BLTP1: variants seen among roughly 807,000 people sequenced by gnomAD.
The protein encoded by BLTP1 is bridge-like lipid transfer protein family member 1.
At chr4:122,217,765 G>A in the BLTP1 span, among the ~76,000 whole-genome samples, 1 of 151,988 alleles carries the variant, frequency 6.6e-6, no homozygotes, top group South Asian at 2.1e-4. Context: ...TTTATCTTTT[G>A]GAATAGTTTC....
chr4:122,272,504 CA>C, the BLTP1 span: 5 of 1,084,114 alleles, frequency 4.6e-6, no homozygotes, highest in African/African-American at 3.2e-5. Flanking sequence ...TCCTAATTGG[CA>C]AATTTTTTTT....
chr4:122,165,939 A>G, the BLTP1 span, among the ~76,000 whole-genome samples: 9 of 150,854 alleles, frequency 6.0e-5, no homozygotes, highest in African/African-American at 2.2e-4. Flanking sequence ...TTTCTTGTAA[A>G]TTTGTTTGAG....
At chr4:122,266,660 C>A in the BLTP1 span, 2 of 845,884 alleles carry the variant, frequency 2.4e-6, no homozygotes, top group Non-Finnish European at 3.4e-6. Flanking sequence ...TTGCTTCACA[C>A]TATGATAATA....
chr4:122,258,974 T>C, the BLTP1 span: 1 of 581,232 alleles, frequency 1.7e-6, no homozygotes, highest in Non-Finnish European at 3.0e-6. Flanking sequence ...ATTAACTTGA[T>C]TTGTAATTTC....
chr4:122,178,311 G>A, the BLTP1 span: 6 of 216,308 alleles, frequency 2.8e-5, no homozygotes, highest in African/African-American at 1.4e-4. Context: ...AATGATACCT[G>A]CATACAAATG....
At chr4:122,237,644 G>A in the BLTP1 span, 1 of 763,144 alleles carries the variant, frequency 1.3e-6, no homozygotes, top group East Asian at 1.3e-4. Flanking sequence ...TATGGGCCTG[G>A]GATCTATACT....
chr4:122,256,363 G>T, the BLTP1 span, among the ~76,000 whole-genome samples: 2 of 152,170 alleles, frequency 1.3e-5, no homozygotes, highest in Non-Finnish European at 2.9e-5. Context: ...AGAGAAGCTT[G>T]AACAGAGAGA....
the BLTP1 span, chr4:122,274,311 A>T: frequency 3.8e-4 from 434 of 1,130,196 alleles, 4 homozygotes; most frequent in South Asian, 2.5e-3. Context: ...TTATATCCAG[A>T]ATTCAAATAA....
chr4:122,181,220 A>G, the BLTP1 span: 4 of 884,736 alleles, frequency 4.5e-6, no homozygotes, highest in African/African-American at 1.8e-5. Flanking sequence ...ACATTCTATG[A>G]TAAACAAATT....
the BLTP1 span, among the ~76,000 whole-genome samples, chr4:122,176,229 G>C: frequency 6.6e-6 from 1 of 151,998 alleles, no homozygotes; most frequent in Non-Finnish European, 1.5e-5. Context: ...CTTGAACCCA[G>C]GAGGCGGAGG....
the BLTP1 span, chr4:122,324,546 A>G: frequency 2.5e-6 from 4 of 1,575,268 alleles, no homozygotes; most frequent in African/African-American, 4.1e-5. Context: ...GGTAATATAT[A>G]TTTCAGCCAT....
the BLTP1 span, chr4:122,259,956 A>C: frequency 1.1e-5 from 10 of 873,846 alleles, no homozygotes; most frequent in Non-Finnish European, 1.4e-5. Context: ...ATTAAATAAA[A>C]ATTTCTACAC....
the BLTP1 span, chr4:122,331,184 G>C: frequency 7.2e-7 from 1 of 1,389,120 alleles, no homozygotes; most frequent in Non-Finnish European, 9.4e-7. Context: ...ATAAAGTGTG[G>C]CTCCATTAAA....
chr4:122,362,245 TAAA>T, the BLTP1 span: 1 of 1,609,704 alleles, frequency 6.2e-7, no homozygotes, highest in Non-Finnish European at 8.5e-7. Context: ...AGAAGAACAC[TAAA>T]AAAGTAATTT....
chr4:122,215,841 C>G, the BLTP1 span, among the ~76,000 whole-genome samples: 20 of 151,878 alleles, frequency 1.3e-4, no homozygotes, highest in East Asian at 1.7e-3. Flanking sequence ...CTCACCCCCC[C>G]CATCCTTCCT....
the BLTP1 span, chr4:122,152,981 A>G: frequency 1.0e-6 from 1 of 985,206 alleles, no homozygotes; most frequent in African/African-American, 1.7e-5. Flanking sequence ...CGGTTGACCG[A>G]GGGCGGGGAA....
chr4:122,343,213 T>C, the BLTP1 span: 1 of 255,062 alleles, frequency 3.9e-6, no homozygotes, highest in Non-Finnish European at 6.2e-6. Flanking sequence ...TCAACCCTGG[T>C]GTAAATTAAT....
the BLTP1 span, chr4:122,304,585 A>G: frequency 4.5e-6 from 1 of 221,348 alleles, no homozygotes; most frequent in East Asian, 1.8e-4. Flanking sequence ...GGACTGTAGT[A>G]TAACCTTTTA....
the BLTP1 span, chr4:122,230,270 A>G: frequency 7.2e-7 from 1 of 1,385,194 alleles, no homozygotes; most frequent in Non-Finnish European, 1.0e-6. Flanking sequence ...AAACTAGATA[A>G]TTGTAGAGGA....
Sources: gnomAD v4.1 joint callset for allele counts (sites outside exome capture counted in the v4.1 genomes callset) on GRCh38, gnomAD v4.1.1 for gene constraint, MANE v1.5 for transcripts, NCBI Gene and HGNC (gene_info 2026-07-23, HGNC 2026-07-21) for gene names.